BICC1: variants seen among roughly 807,000 people sequenced by gnomAD.
The protein encoded by BICC1 is protein bicaudal C homolog 1.
BICC1 carries 43 observed loss-of-function variants against 111.0 expected under a neutral mutation model. That is an observed-to-expected ratio of 0.39 (90% CI 0.30 to 0.50). The LOEUF (loss-of-function observed/expected upper bound fraction) is 0.50, where lower values mean the gene tolerates loss of function less well. Among genes scored for constraint, BICC1 ranks in the 20% least tolerant of loss-of-function variants. The pLI, the probability that BICC1 is intolerant of heterozygous loss-of-function variation, is 0.88. For synonymous variants in BICC1, 467 were observed against 434.4 expected (o/e 1.07, Z -0.93); for missense variants, 1,091 against 1,203.2 (o/e 0.91, Z 1.38).
intron 1 of BICC1, among the ~76,000 whole-genome samples, chr10:58,542,554 A>G (rs948944656): frequency 2.6e-5 from 4 of 152,172 alleles, no homozygotes; most frequent in Non-Finnish European, 4.4e-5. Context: ...GCAGCAAAGG[A>G]AAATCAACAG....
chr10:58,734,206 G>A (rs1024986441), intron 3 of BICC1, among the ~76,000 whole-genome samples: 3 of 152,170 alleles, frequency 2.0e-5, no homozygotes, highest in South Asian at 2.1e-4. Context: ...GTGACTTGCC[G>A]ACTTGGCAAG....
intron 1 of BICC1, among the ~76,000 whole-genome samples, chr10:58,523,495 A>C (rs1200656129): frequency 6.6e-6 from 1 of 152,228 alleles, no homozygotes; most frequent in Non-Finnish European, 1.5e-5. Flanking sequence ...CTTTGACAAA[A>C]TTCAACAAAG....
At chr10:58,700,373 G>A (rs1840195472) in intron 2 of BICC1, among the ~76,000 whole-genome samples, 2 of 152,096 alleles carry the variant, frequency 1.3e-5, no homozygotes, top group African/African-American at 4.8e-5. Flanking sequence ...GTGGCATCAT[G>A]GCTGATGCAG....
chr10:58,604,182 C>G (rs1845134048), intron 1 of BICC1, among the ~76,000 whole-genome samples: 1 of 152,064 alleles, frequency 6.6e-6, no homozygotes. Flanking sequence ...CTCTGATAGT[C>G]CTAGTATTGT....
chr10:58,621,578 C>T (rs367679396), intron 2 of BICC1, among the ~76,000 whole-genome samples: 3 of 152,062 alleles, frequency 2.0e-5, no homozygotes, highest in East Asian at 1.9e-4. Flanking sequence ...TTTGAGAGGC[C>T]GAGGCTATCA....
At chr10:58,525,063 C>T (rs1842494848) in intron 1 of BICC1, among the ~76,000 whole-genome samples, 1 of 146,374 alleles carries the variant, frequency 6.8e-6, no homozygotes, top group African/African-American at 2.5e-5. Flanking sequence ...CAGGAAACAA[C>T]AGGTGCTGGA....
At chr10:58,796,623 T>C (rs903424801) in intron 10 of BICC1, 97 bp downstream of exon 10, 4 of 1,205,408 alleles carry the variant, frequency 3.3e-6, no homozygotes, top group Non-Finnish European at 4.5e-6. Flanking sequence ...TAAAGGCTAT[T>C]TTTTTTTCCT....
intron 1 of BICC1, among the ~76,000 whole-genome samples, chr10:58,573,732 A>T (rs1844030670): frequency 6.6e-6 from 1 of 152,112 alleles, no homozygotes; most frequent in Non-Finnish European, 1.5e-5. Context: ...GGGTACTCTA[A>T]CAGATCTGTG....
intron 2 of BICC1, among the ~76,000 whole-genome samples, chr10:58,631,634 A>T (rs1837798114): frequency 6.6e-6 from 1 of 152,172 alleles, no homozygotes; most frequent in African/African-American, 2.4e-5. Flanking sequence ...CAAAGTACCG[A>T]TAAGTAGGGA....
intron 1 of BICC1, among the ~76,000 whole-genome samples, chr10:58,514,679 CTCT>C (rs1455927629): frequency 1.6e-4 from 6 of 37,684 alleles, no homozygotes; most frequent in Admixed American, 6.4e-4. Context: ...CCCCTTCCCT[CTCT>C]TTTTTTCTCA....
chr10:58,568,382 CAG>C (rs1052743906), intron 1 of BICC1, among the ~76,000 whole-genome samples: 2 of 152,286 alleles, frequency 1.3e-5, no homozygotes, highest in South Asian at 4.1e-4. Context: ...TTTGCTCCTT[CAG>C]AGAGTTCTCC....
chr10:58,547,138 T>A (rs1385773004), intron 1 of BICC1, among the ~76,000 whole-genome samples: 1 of 152,210 alleles, frequency 6.6e-6, no homozygotes, highest in Non-Finnish European at 1.5e-5. Flanking sequence ...CCAGTAATGA[T>A]GCATTGTTAT....
At chr10:58,625,318 T>C (rs1344091547) in intron 2 of BICC1, among the ~76,000 whole-genome samples, 2 of 152,308 alleles carry the variant, frequency 1.3e-5, no homozygotes, top group East Asian at 3.9e-4. Flanking sequence ...GAGGGGAAAA[T>C]GGGTTACAGT....
At chr10:58,677,837 A>ACAGCAAAT (rs1839392496) in intron 2 of BICC1, among the ~76,000 whole-genome samples, 1 of 152,232 alleles carries the variant, frequency 6.6e-6, no homozygotes, top group African/African-American at 2.4e-5. Context: ...CATCAGGCTA[A>ACAGCAAAT]CAGCAAATCT....
intron 1 of BICC1, among the ~76,000 whole-genome samples, chr10:58,523,257 G>T (rs1208683639): frequency 2.0e-5 from 3 of 151,948 alleles, no homozygotes; most frequent in African/African-American, 7.3e-5. Context: ...CAAAAAAAGG[G>T]AATTTTAGAC....
chr10:58,538,257 G>T (rs1249087346), intron 1 of BICC1, among the ~76,000 whole-genome samples: 2 of 151,636 alleles, frequency 1.3e-5, no homozygotes, highest in South Asian at 4.2e-4. Flanking sequence ...AAACAGTATG[G>T]TACTGGTAAA....
chr10:58,628,212 T>C (rs4948528), intron 2 of BICC1, among the ~76,000 whole-genome samples: 49,205 of 152,016 alleles, frequency 0.32, 9,683 homozygotes, highest in East Asian at 0.47. Flanking sequence ...AACTACCATC[T>C]TATGAAGAAA....
At chr10:58,571,281 C>T (rs1413934864) in intron 1 of BICC1, among the ~76,000 whole-genome samples, 1 of 152,074 alleles carries the variant, frequency 6.6e-6, no homozygotes, top group Non-Finnish European at 1.5e-5. Context: ...AATACTTTTT[C>T]GTTGCAGTTA....
intron 3 of BICC1, among the ~76,000 whole-genome samples, chr10:58,772,757 T>G: frequency 6.6e-6 from 1 of 152,148 alleles, no homozygotes; most frequent in East Asian, 1.9e-4. Context: ...CACCCCTCAG[T>G]TGGAAGCAAA....
Sources: gnomAD v4.1 joint callset for allele counts (sites outside exome capture counted in the v4.1 genomes callset) on GRCh38, gnomAD v4.1.1 for gene constraint, MANE v1.5 for transcripts, NCBI Gene and HGNC (gene_info 2026-07-23, HGNC 2026-07-21) for gene names.